HIPK3: variants seen among roughly 807,000 people sequenced by gnomAD.
The protein encoded by HIPK3 is homeodomain interacting protein kinase 3.
HIPK3 carries 47 observed loss-of-function variants against 124.2 expected under a neutral mutation model. That is an observed-to-expected ratio of 0.38 (90% CI 0.30 to 0.48). The LOEUF (loss-of-function observed/expected upper bound fraction) is 0.48. Ranked by LOEUF, HIPK3 falls within the 20% of genes least tolerant of loss-of-function variation. The pLI is 0.98. For missense variants in HIPK3, 1,286 were observed against 1,454.3 expected (o/e 0.88, Z 1.88); for synonymous variants, 482 against 515.2 (o/e 0.94, Z 0.87).
Position 33,274,284 on chromosome 11 carries a change from C to T in HIPK3, c.-2-12129C>T, listed in dbSNP as rs538235787. On this transcript the variant is annotated intron_variant, in intron 1 of 16. Transcript: ENST00000303296. Reference sequence around the variant, plus strand: ...TCTTGTAGGAATCATTTGACCTTTGCCTTCTTAATCTTTAATATTTTGTAT... The same window carrying T: ...TCTTGTAGGAATCATTTGACCTTTGTCTTCTTAATCTTTAATATTTTGTAT... Among the ~76,000 whole-genome samples, 12 of 152,074 alleles carry T rather than the reference C, an allele frequency of 7.9e-5. No individual in the cohort carries two copies. In the South Asian group the frequency reaches 2.5e-3, roughly 32 times the overall value.
rs1853805897 is a variant in HIPK3, at chr11:33,355,963, T to G, written c.*2395T>G. 6.6e-6 allele frequency: 1 copy of G among 151,974 alleles called. No individual in the cohort carries two copies. Among genetic ancestry groups the G allele is most frequent in the African/African-American group, 2.4e-5 (1 of 41,428 alleles). 9.4% of individuals were successfully genotyped at this position (151,974 alleles called of 1,614,324 possible). On this transcript the variant is annotated 3_prime_UTR_variant, in exon 17 of 17. Transcript: ENST00000303296. ...TGCTGCCCTCCACAGCCTTCTAATT[T>G]TATTTATATGTTCCAGCAGATTATT...
At chr11:33,309,563 G>C (rs551732685) in intron 2 of HIPK3, among the ~76,000 whole-genome samples, 1 of 152,362 alleles carries the variant, frequency 6.6e-6, no homozygotes, top group South Asian at 2.1e-4. Context: ...GTGGCTGCTT[G>C]ACTCTTATTT....
chr11:33,258,039 T>C (rs1044142289), intron 1 of HIPK3, 150 bp downstream of exon 1: 3 of 560,578 alleles, frequency 5.4e-6, no homozygotes, highest in Non-Finnish European at 6.5e-6. Context: ...CCGTGCCCCA[T>C]CCGCATCCCC....
intron 3 of HIPK3, among the ~76,000 whole-genome samples, chr11:33,329,453 G>A (rs1477977832): frequency 6.6e-6 from 1 of 152,002 alleles, no homozygotes; most frequent in Non-Finnish European, 1.5e-5. Flanking sequence ...AGAATTTAAA[G>A]CACCTATTAC....
chr11:33,341,170 T>TA, intron 7 of HIPK3, 43 bp downstream of exon 7: 1 of 1,420,740 alleles, frequency 7.0e-7, no homozygotes, highest in Non-Finnish European at 9.6e-7. Context: ...CTTTTTTTAA[T>TA]GATTGCGCAT....
chr11:33,331,075 G>A (rs1307904511), intron 3 of HIPK3, among the ~76,000 whole-genome samples: 1 of 151,882 alleles, frequency 6.6e-6, no homozygotes, highest in Non-Finnish European at 1.5e-5. Flanking sequence ...TAGAGATGGG[G>A]TTTCATCATA....
chr11:33,256,985 C>T (rs1333078408), upstream of HIPK3, among the ~76,000 whole-genome samples: 1 of 152,160 alleles, frequency 6.6e-6, no homozygotes, highest in Non-Finnish European at 1.5e-5. Context: ...ATTACGGTTC[C>T]GGGATCTCGA....
intron 1 of HIPK3, among the ~76,000 whole-genome samples, chr11:33,262,417 GCTGTTCT>G (rs1257759205): frequency 6.6e-6 from 1 of 152,220 alleles, no homozygotes; most frequent in African/African-American, 2.4e-5. Context: ...GGCAGACCAG[GCTGTTCT>G]CAGTTGATAC....
chr11:33,322,443 T>C lies in HIPK3; in HGVS notation c.1098-6067T>C, dbSNP rs975025775. 2.6e-5 allele frequency among the ~76,000 whole-genome samples: 4 copies of C among 152,332 alleles called. 1 individual carries two copies. The highest frequency in any genetic ancestry group is 9.6e-5 in the African/African-American group (4 of 41,578). On this transcript the variant is annotated intron_variant, in intron 2 of 16. Transcript: ENST00000303296. Reference sequence around the variant, plus strand: ...TTCTTACTATTTTCTTTTAGTGGCCTAGAGGTTTGAAAAATGAATAGGACA... The same window carrying C: ...TTCTTACTATTTTCTTTTAGTGGCCCAGAGGTTTGAAAAATGAATAGGACA...
intron 2 of HIPK3, among the ~76,000 whole-genome samples, chr11:33,294,455 G>A (rs952466433): frequency 1.5e-4 from 23 of 152,042 alleles, no homozygotes; most frequent in African/African-American, 5.6e-4. Context: ...TTCCTACAGG[G>A]TGTGATACGA....
chr11:33,297,777 G>C (rs1851881475), intron 2 of HIPK3, among the ~76,000 whole-genome samples: 2 of 130,884 alleles, frequency 1.5e-5, no homozygotes, highest in Admixed American at 7.6e-5. Context: ...CAAAGAACAG[G>C]CTTTTTTTTT....
chr11:33,332,131 T>A (rs555133482), intron 3 of HIPK3, among the ~76,000 whole-genome samples: 14 of 152,364 alleles, frequency 9.2e-5, no homozygotes, highest in African/African-American at 3.4e-4. Flanking sequence ...TTCTTCATTA[T>A]AGGGTTTGTG....
At position 33,347,384 on chromosome 11, in the gene HIPK3, A is replaced by T; in HGVS notation, c.1989A>T (p.Pro663=). 1 of 1,614,112 alleles carries T rather than the reference A, an allele frequency of 6.2e-7. No homozygotes were observed. ...PLVTQAPAVQ[P]LQIRPGVLSQ... Reference sequence around the variant, plus strand: ...TAACTCAGGCCCCAGCTGTGCAGCCACTACAGATCCGACCAGGAGTTCTTT... The same window carrying T: ...TAACTCAGGCCCCAGCTGTGCAGCCTCTACAGATCCGACCAGGAGTTCTTT... Residue 663 remains proline, a synonymous_variant, in exon 9 of 17, where the codon CCA becomes CCT. Transcript: ENST00000303296.
At position 33,355,559 on chromosome 11, in the gene HIPK3, A is replaced by G. The variant is rs1181774410; in HGVS notation, c.*1991A>G. 1 of 152,064 alleles carries G rather than the reference A, an allele frequency of 6.6e-6. No homozygotes were observed. Among genetic ancestry groups the G allele is most frequent in the Non-Finnish European group, 1.5e-5 (1 of 67,900 alleles). The allele number at this position is 152,064 out of a possible 1,614,324, so 9.4% of individuals were successfully genotyped here. A position where few individuals can be genotyped will look rare whatever the true frequency, so the allele number is the denominator to read the frequency against. ...TGGATTTACAGCGTTTCTTTGATAAATGAATTGTATACCACTAGTACAGCT... is the reference window on the plus strand; with the variant it reads ...TGGATTTACAGCGTTTCTTTGATAAGTGAATTGTATACCACTAGTACAGCT... On this transcript the variant is annotated 3_prime_UTR_variant, in exon 17 of 17. Coordinates refer to ENST00000303296, the MANE Select transcript of HIPK3 (RefSeq NM_005734.5).
Position 33,286,689 on chromosome 11 carries a change from C to CA in HIPK3, c.278dup (p.Val94GlyfsTer39). ...GTTTTGAAAAACACTGCAGGTGCTA[C>CA]AAAGGTCATAGCAGCTCAGGCACAG... On this transcript the variant is annotated frameshift_variant, in exon 2 of 17. Transcript: ENST00000303296. LOFTEE classifies it high-confidence loss of function. 6.2e-7 allele frequency: 1 copy of CA among 1,614,100 alleles called. No individual in the cohort carries two copies. The highest frequency in any genetic ancestry group is 8.5e-7 in the Non-Finnish European group (1 of 1,180,032).
intron 2 of HIPK3, among the ~76,000 whole-genome samples, chr11:33,301,592 G>A (rs1349131832): frequency 1.3e-5 from 2 of 150,748 alleles, no homozygotes; most frequent in African/African-American, 4.9e-5. Context: ...AGACCAGCCT[G>A]GGTAACATAT....
At chr11:33,334,578 C>T (rs1295653270) in intron 3 of HIPK3, among the ~76,000 whole-genome samples, 3 of 151,564 alleles carry the variant, frequency 2.0e-5, no homozygotes, top group Middle Eastern at 3.2e-3. Flanking sequence ...CTTCCCTGGG[C>T]CACATTGGAA....
intron 2 of HIPK3, among the ~76,000 whole-genome samples, chr11:33,325,782 G>A (rs1471665809): frequency 6.6e-6 from 1 of 152,042 alleles, no homozygotes; most frequent in Non-Finnish European, 1.5e-5. Context: ...AGCTTTTTTT[G>A]GTACAATATT....
rs187631460 is a variant in HIPK3, at chr11:33,310,760, G to A, written c.1098-17750G>A. Among the ~76,000 whole-genome samples, 38 of 152,310 alleles carry A rather than the reference G, an allele frequency of 2.5e-4. No homozygotes were observed. In the East Asian group the frequency reaches 3.5e-3, roughly 14 times the overall value. ...AACATTTCCGTTGTTGCGAAAATAC[G>A]GTAGGACAGCGGTATGCTAGTGAGT... On this transcript the variant is annotated intron_variant, in intron 2 of 16. Coordinates refer to ENST00000303296, the MANE Select transcript of HIPK3 (RefSeq NM_005734.5).
Sources: gnomAD v4.1 joint callset for allele counts (sites outside exome capture counted in the v4.1 genomes callset) on GRCh38, gnomAD v4.1.1 for gene constraint, MANE v1.5 for transcripts, NCBI Gene and HGNC (gene_info 2026-07-23, HGNC 2026-07-21) for gene names.